Variants in PTPN7 observed in about 807,000 individuals in gnomAD.
PTPN7 encodes tyrosine-protein phosphatase non-receptor type 7.
A neutral mutation model predicts 50.3 loss-of-function variants in PTPN7; 33 were observed. The ratio of observed to expected loss-of-function variants is 0.66; its 90% CI spans 0.50 to 0.88. PTPN7 has a LOEUF of 0.88. Among genes scored for constraint, PTPN7 ranks in the 40% least tolerant of loss-of-function variants. PTPN7 has a pLI of 0.00. For missense variants in PTPN7, 412 were observed against 475.4 expected (o/e 0.87, Z 1.24); for synonymous variants, 185 against 186.6 (o/e 0.99, Z 0.07).
chr1:202,157,308 G>A (rs1192559906), intron 4 of PTPN7, among the ~76,000 whole-genome samples: 4 of 152,110 alleles, frequency 2.6e-5, no homozygotes, highest in African/African-American at 9.7e-5. Flanking sequence ...TCGGGAGTTC[G>A]AGACCAGCCT....
Position 202,159,264 on chromosome 1 carries a change from C to G in PTPN7, c.122+17G>C, listed in dbSNP as rs770449661. 8 of 1,612,320 alleles carry G rather than the reference C, an allele frequency of 5.0e-6. No homozygotes were observed. The highest frequency in any genetic ancestry group is 3.3e-5 in the Admixed American group (2 of 59,938). The stretch of plus-strand genomic sequence containing the variant: ...GGCTCAGGGCTCGGAAGACCCCTCC[C>G]CCAGGGAAGATCTCACCTCTCCTGC... On this transcript the variant is annotated intron_variant, in intron 2 of 9. Coordinates refer to ENST00000691036, the MANE Select transcript of PTPN7 (RefSeq NM_002832.4). This position sits in a 1 kb window ranked among gnomAD's most constrained non-coding sequence, Gnocchi z 4.6.
chr1:202,160,896 G>A (rs1216038729), upstream of PTPN7: 2 of 1,458,074 alleles, frequency 1.4e-6, no homozygotes, highest in East Asian at 2.5e-5. The surrounding 1 kb of genome is among the most constrained non-coding windows in gnomAD (Gnocchi z 4.8). Flanking sequence ...TACTTGCTGG[G>A]CACAGCTCGC....
rs1273119113 is a variant in PTPN7 at position 202,159,385 on chromosome 1, C to T, written c.18G>A (p.Gly6=). The change falls in exon 2 of 10, where the codon GGG becomes GGA. Residue 6 remains glycine, a synonymous_variant. Coordinates refer to ENST00000691036, the MANE Select transcript of PTPN7 (RefSeq NM_002832.4). This position sits in a 1 kb window ranked among gnomAD's most constrained non-coding sequence, Gnocchi z 4.6. MVQAH[G]GRSRAQPLTL... Reference sequence around the variant, plus strand: ...TCAACGGCTGTGCTCTGGAGCGCCCCCCATGGGCTTGGACCATGCTGAGGT... The same window carrying T: ...TCAACGGCTGTGCTCTGGAGCGCCCTCCATGGGCTTGGACCATGCTGAGGT... 3 of 1,614,096 alleles carry T rather than the reference C, an allele frequency of 1.9e-6. No individual in the cohort carries two copies. The highest frequency in any genetic ancestry group is 2.5e-6 in the Non-Finnish European group (3 of 1,180,048).
rs1476181719 is a variant in PTPN7 at position 202,159,314 on chromosome 1, G to GT, written c.88dup (p.Thr30AsnfsTer130). The GT allele has an allele frequency of 5.0e-6, 8 of 1,614,178 alleles. No individual in the cohort carries two copies. Among genetic ancestry groups the GT allele is most frequent in the Middle Eastern group, 1.7e-4 (1 of 6,060 alleles). On this transcript the variant is annotated frameshift_variant, in exon 2 of 10. Transcript: ENST00000691036. LOFTEE classifies it high-confidence loss of function. This position sits in a 1 kb window ranked among gnomAD's most constrained non-coding sequence, Gnocchi z 4.6. ...CAGTCGCACATGCTTCTTGGCTGGC[G>GT]TTTTTTCAGGCGGAGGCTGGGTCAT...
chr1:202,159,838 C>T lies in PTPN7; in HGVS notation c.-52-384G>A. On this transcript the variant is annotated intron_variant, in intron 1 of 9. Coordinates refer to ENST00000691036, the MANE Select transcript of PTPN7 (RefSeq NM_002832.4). This position sits in a 1 kb window ranked among gnomAD's most constrained non-coding sequence, Gnocchi z 4.6. ...ACGGAAGGGAGAAAGCACGCAGAAG[C>T]CATCTCTGAGCTAACCAGTGGGCCT... is the stretch of plus-strand genomic sequence containing the variant. The T allele has an allele frequency of 1.8e-6, 2 of 1,094,108 alleles. No homozygotes were observed. The highest frequency in any genetic ancestry group is 2.2e-6 in the Non-Finnish European group (2 of 898,024). 67.8% of individuals were successfully genotyped at this position (1,094,108 alleles called of 1,614,324 possible).
chr1:202,148,846 A>AATTT, intron 9 of PTPN7, 147 bp from the exon 10 acceptor site: 9 of 208,358 alleles, frequency 4.3e-5, no homozygotes, highest in Admixed American at 1.0e-4. Flanking sequence ...TCATCTTTTC[A>AATTT]CTTTTTTTTT....
upstream of PTPN7, chr1:202,161,302 G>C: frequency 5.1e-6 from 6 of 1,167,776 alleles, no homozygotes; most frequent in Non-Finnish European, 6.5e-6. Context: ...TCCACTTGTG[G>C]GAGGGAGTCC....
In PTPN7 at chr1:202,159,617, G is replaced by A; in HGVS notation, c.-52-163C>T. 1 of 1,479,026 alleles carries A rather than the reference G, an allele frequency of 6.8e-7. No homozygotes were observed. The highest frequency in any genetic ancestry group is 1.4e-5 in the South Asian group (1 of 70,714). The allele number at this position is 1,479,026 out of a possible 1,614,324, so 91.6% of individuals were successfully genotyped here. A position where few individuals can be genotyped will look rare whatever the true frequency, so the allele number is the denominator to read the frequency against. On this transcript the variant is annotated intron_variant, in intron 1 of 9. Transcript: ENST00000691036. The surrounding 1 kb of genome is among the most constrained non-coding windows in gnomAD (Gnocchi z 4.6). ...AGGGAAGGACAGGATCTATTTGGTG[G>A]GACCCAGGGCAGAAGGCAGTCTCGG...
chr1:202,153,091 A>G (rs1656227440), intron 7 of PTPN7, among the ~76,000 whole-genome samples: 1 of 152,194 alleles, frequency 6.6e-6, no homozygotes, highest in African/African-American at 2.4e-5. Flanking sequence ...ACACCATAAA[A>G]TAATAGAAGG....
intron 5 of PTPN7, among the ~76,000 whole-genome samples, chr1:202,154,741 G>T (rs1656458328): frequency 6.6e-6 from 1 of 152,130 alleles, no homozygotes; most frequent in Non-Finnish European, 1.5e-5. Flanking sequence ...TACCTAAACA[G>T]TGTTTAATAT....
Position 202,148,576 on chromosome 1 carries a change from G to A in PTPN7, c.*30C>T, listed in dbSNP as rs777755337. ...CACCTTCCCAGGCTTGAGGGAGGTA[G>A]GCACCTGGGCCACCGGAGGGTGGCA... On this transcript the variant is annotated 3_prime_UTR_variant, in exon 10 of 10. Transcript: ENST00000691036. 9 of 1,596,036 alleles carry A rather than the reference G, an allele frequency of 5.6e-6. No homozygotes were observed. In the Admixed American group the frequency reaches 1.2e-4, roughly 21 times the overall value.
upstream of PTPN7, chr1:202,160,622 G>A (rs770564773): frequency 2.9e-4 from 442 of 1,550,364 alleles, 2 homozygotes; most frequent in Admixed American, 1.6e-4. The surrounding 1 kb of genome is among the most constrained non-coding windows in gnomAD (Gnocchi z 4.8). Context: ...GGCTGAGAAG[G>A]CTCCAGGAAG....
chr1:202,155,507 C>T (rs1317644134), intron 5 of PTPN7, 26 bp downstream of exon 5: 2 of 1,524,734 alleles, frequency 1.3e-6, no homozygotes, highest in Admixed American at 3.3e-5. Context: ...CCATTCCCCG[C>T]CCACCACTGC....
chr1:202,153,366 C>T (rs766523443), intron 7 of PTPN7, among the ~76,000 whole-genome samples: 18 of 152,108 alleles, frequency 1.2e-4, no homozygotes, highest in Non-Finnish European at 2.4e-4. Flanking sequence ...TCAAGTGATC[C>T]GCCCCCCTCA....
In PTPN7 at chr1:202,153,774, T is replaced by C; in HGVS notation, c.668A>G (p.Gln223Arg). 1 of 1,614,154 alleles carries C rather than the reference T, an allele frequency of 6.2e-7. No individual in the cohort carries two copies. Among genetic ancestry groups the C allele is most frequent in the Non-Finnish European group, 8.5e-7 (1 of 1,179,992 alleles). ...ETYGPFQIRI[Q>R]DMKECPEYTV... ...GTATTCTGGGCACTCTTTCATGTCCTGGATGCGGATCTGGAAGGGTCCATA... is the reference window on the plus strand; with the variant it reads ...GTATTCTGGGCACTCTTTCATGTCCCGGATGCGGATCTGGAAGGGTCCATA... The change falls in exon 7 of 10, where the codon CAG becomes CGG. Residue 223 changes from glutamine to arginine, a missense_variant. Physicochemically the swap from Gln to Arg is conservative, Grantham distance 43. Transcript: ENST00000691036.
At chr1:202,152,818 A>C (rs1656188045) in intron 7 of PTPN7, 119 bp from the exon 8 acceptor site, 2 of 1,205,178 alleles carry the variant, frequency 1.7e-6, no homozygotes, top group Admixed American at 4.6e-5. Context: ...CATCTACTCA[A>C]AGCAAGCTAG....
intron 9 of PTPN7, 128 bp from the exon 10 acceptor site, chr1:202,148,827 T>C: frequency 1.9e-6 from 1 of 534,944 alleles, no homozygotes; most frequent in Non-Finnish European, 3.2e-6. Flanking sequence ...CCAACTCCTT[T>C]GCCTATATTC....
At chr1:202,150,049 T>G (rs1571735437) in intron 9 of PTPN7, 2 of 331,690 alleles carry the variant, frequency 6.0e-6, no homozygotes, top group Non-Finnish European at 1.2e-5. Context: ...GCCAGGCTGG[T>G]CTCGAACTCC....
chr1:202,149,226 G>A (rs1655661683), intron 9 of PTPN7, among the ~76,000 whole-genome samples: 1 of 152,000 alleles, frequency 6.6e-6, no homozygotes, highest in Non-Finnish European at 1.5e-5. Context: ...GAAGTCCTCT[G>A]CCCCTTACAC....
Sources: allele counts gnomAD v4.1 joint callset (sites outside exome capture counted in the v4.1 genomes callset), GRCh38; gene constraint gnomAD v4.1.1; non-coding constraint Gnocchi (gnomAD v3.1); transcripts MANE v1.5; gene names NCBI Gene and HGNC (gene_info 2026-07-23, HGNC 2026-07-21).